POLN: variants seen among roughly 807,000 people sequenced by gnomAD.
POLN encodes the protein DNA polymerase N.
Under a neutral mutation model 113.5 loss-of-function variants are expected in POLN, and 108 were observed. The observed-to-expected ratio is 0.95, with a 90% confidence interval of 0.81 to 1.12. The LOEUF is 1.12. Among genes scored for constraint, POLN ranks in the 50% most tolerant of loss-of-function variants. The pLI, the probability that POLN is intolerant of heterozygous loss-of-function variation, is 0.00. For missense variants in POLN, 1,097 were observed against 1,077.1 expected (o/e 1.02, Z -0.26); for synonymous variants, 386 against 391.5 (o/e 0.99, Z 0.17).
chr4:2,198,001 G>A lies in POLN; in HGVS notation c.908+523C>T, dbSNP rs566120036. 1.3e-4 allele frequency among the ~76,000 whole-genome samples: 20 copies of A among 152,304 alleles called. No homozygotes were observed. The South Asian group carries it at 1.5e-3, about 11-fold the overall frequency. ...TTTTCAGAATCCAGAAGGGACGGCA[G>A]GAGCAACCCCGCCTGCTCTAAAATT... On this transcript the variant is annotated intron_variant, in intron 6 of 25. Transcript: ENST00000511885.
At chr4:2,080,061 C>T (rs933622213) in intron 23 of POLN, 4 of 985,230 alleles carry the variant, frequency 4.1e-6, no homozygotes, top group African/African-American at 1.7e-5. Context: ...GGTGGGAAAA[C>T]GTCCATGGTG....
intron 2 of POLN, chr4:2,240,972 T>C: frequency 6.5e-7 from 1 of 1,532,426 alleles, no homozygotes; most frequent in Non-Finnish European, 8.8e-7. Flanking sequence ...AATTTTGTTG[T>C]ATCTGATATG....
In POLN at chr4:2,193,362, T is replaced by A. The variant is rs10018882; in HGVS notation, c.909-46A>T. ...CACTGATTTAAACATTAATTTGGGA[T>A]TTTCGACCTTGGAAAAATATTATTA... On this transcript the variant is annotated intron_variant, in intron 6 of 25. Coordinates refer to ENST00000511885, the MANE Select transcript of POLN (RefSeq NM_181808.4). The A allele has an allele frequency of 4.4e-6, 6 of 1,364,438 alleles. No homozygotes were observed. In the African/African-American group the frequency reaches 6.1e-5, roughly 14 times the overall value. The allele number at this position is 1,364,438 out of a possible 1,614,324, so 84.5% of individuals were successfully genotyped here.
chr4:2,194,062 T>C (rs35954701), intron 6 of POLN, among the ~76,000 whole-genome samples: 1,562 of 152,318 alleles, frequency 0.01, 34 homozygotes, highest in African/African-American at 0.034. Context: ...GCATTGTGTG[T>C]GAAGTGATTG....
In POLN at chr4:2,075,641, G is replaced by A. The variant is rs572760268; in HGVS notation, c.2388-122C>T. ...GACTGTGAGGCGGGGGCTCAGGGGT[G>A]CATGCAGAGGTGGGGGCCCATCCCC... On this transcript the variant is annotated intron_variant, in intron 23 of 25. Coordinates refer to ENST00000511885, the MANE Select transcript of POLN (RefSeq NM_181808.4). The A allele has an allele frequency of 3.0e-6, 3 of 992,932 alleles. No homozygotes were observed. In the East Asian group the frequency reaches 7.4e-5, roughly 24 times the overall value. The allele number at this position is 992,932 out of a possible 1,614,324, so 61.5% of individuals were successfully genotyped here. A position where few individuals can be genotyped will look rare whatever the true frequency, so the allele number is the denominator to read the frequency against.
chr4:2,188,531 G>A (rs1733340865), intron 7 of POLN, among the ~76,000 whole-genome samples: 1 of 151,864 alleles, frequency 6.6e-6, no homozygotes, highest in Admixed American at 6.6e-5. Context: ...AACCTGGGAG[G>A]CGGAGCTTGC....
intron 13 of POLN, among the ~76,000 whole-genome samples, chr4:2,159,514 G>A (rs1732524132): frequency 6.6e-6 from 1 of 152,166 alleles, no homozygotes; most frequent in Non-Finnish European, 1.5e-5. Context: ...GCCTACAAAC[G>A]TATAGCTCGA....
At chr4:2,114,917 G>C (rs1449001886) in intron 19 of POLN, among the ~76,000 whole-genome samples, 1 of 151,672 alleles carries the variant, frequency 6.6e-6, no homozygotes, top group South Asian at 2.1e-4. Flanking sequence ...GATTCTTTGG[G>C]GGGAGGGCTT....
intron 17 of POLN, 57 bp downstream of exon 17, chr4:2,131,176 C>G: frequency 7.9e-7 from 1 of 1,261,310 alleles, no homozygotes; most frequent in South Asian, 1.3e-5. Context: ...CAGAGTGACA[C>G]CCTATCTCAA....
At chr4:2,098,388 C>T (rs1282020019) in intron 19 of POLN, among the ~76,000 whole-genome samples, 2 of 152,160 alleles carry the variant, frequency 1.3e-5, no homozygotes, top group African/African-American at 4.8e-5. Flanking sequence ...CACTGCACTC[C>T]AGCCTGGGCG....
chr4:2,240,673 G>C lies in POLN; in HGVS notation c.-13+847C>G, dbSNP rs761608078. 57 of 1,613,892 alleles carry C rather than the reference G, an allele frequency of 3.5e-5. 1 individual carries two copies. In the East Asian group the frequency reaches 1.3e-3, roughly 36 times the overall value. On this transcript the variant is annotated intron_variant, in intron 2 of 25. Transcript: ENST00000511885. The stretch of plus-strand genomic sequence containing the variant: ...TCCAGCTCTTTATCATCCAGTCTAG[G>C]TGTCTTCAAATCAGAAGTTTTACAC...
chr4:2,078,521 A>G, intron 23 of POLN: 1 of 857,614 alleles, frequency 1.2e-6, no homozygotes, highest in Non-Finnish European at 1.4e-6. Flanking sequence ...CCCAGGCTGG[A>G]GTGAAGTGGT....
At chr4:2,118,603 T>C (rs1428454071) in intron 19 of POLN, among the ~76,000 whole-genome samples, 1 of 152,234 alleles carries the variant, frequency 6.6e-6, no homozygotes, top group African/African-American at 2.4e-5. Context: ...TGTTATACCA[T>C]TTACCAAGTG....
chr4:2,129,474 G>A (rs534749533), intron 17 of POLN, among the ~76,000 whole-genome samples: 2 of 151,932 alleles, frequency 1.3e-5, no homozygotes, highest in South Asian at 2.1e-4. Context: ...CTGCAGCCTC[G>A]CACTCCAGGG....
chr4:2,158,858 G>A (rs1035945680), intron 14 of POLN, among the ~76,000 whole-genome samples: 2 of 152,120 alleles, frequency 1.3e-5, no homozygotes, highest in Non-Finnish European at 2.9e-5. Flanking sequence ...GGTACTGCTG[G>A]GCGTCTCCTG....
intron 5 of POLN, 140 bp from the exon 6 acceptor site, chr4:2,198,857 G>T: frequency 1.2e-6 from 1 of 849,290 alleles, no homozygotes. Flanking sequence ...TGACAATTGA[G>T]GGCCAAAAGC....
chr4:2,154,346 A>G (rs980392367), intron 16 of POLN, among the ~76,000 whole-genome samples: 2 of 152,150 alleles, frequency 1.3e-5, no homozygotes, highest in African/African-American at 4.8e-5. Context: ...GAGCTTTTCC[A>G]TACCAATAGG....
intron 20 of POLN, 54 bp from the exon 21 acceptor site, chr4:2,085,798 G>T (rs921080390): frequency 3.1e-6 from 5 of 1,604,722 alleles, no homozygotes; most frequent in African/African-American, 1.3e-5. Context: ...CCGTGACTGT[G>T]TGCATGGGCT....
intron 25 of POLN, 62 bp downstream of exon 25, chr4:2,072,906 G>A (rs1044191222): frequency 6.4e-7 from 1 of 1,562,080 alleles, no homozygotes; most frequent in Non-Finnish European, 8.8e-7. Flanking sequence ...TTTGCCCTGG[G>A]GGTGCTGGCC....
Sources: gnomAD v4.1 joint callset for allele counts (sites outside exome capture counted in the v4.1 genomes callset) on GRCh38, gnomAD v4.1.1 for gene constraint, MANE v1.5 for transcripts, NCBI Gene and HGNC (gene_info 2026-07-23, HGNC 2026-07-21) for gene names.